ALDH3B2: variants seen among roughly 807,000 people sequenced by gnomAD.
ALDH3B2 encodes aldehyde dehydrogenase family 3 member B2.
A neutral mutation model predicts 36.7 loss-of-function variants in ALDH3B2; 45 were observed. That is an observed-to-expected ratio of 1.23 (90% confidence interval 0.97 to 1.57). ALDH3B2 has a LOEUF of 1.57. ALDH3B2 is among the 40% of genes most tolerant of loss of function. The pLI is 0.00. For synonymous variants in ALDH3B2, 217 were observed against 226.5 expected (o/e 0.96, Z 0.38); for missense variants, 464 against 513.3 (o/e 0.90, Z 0.93).
chr11:67,664,024 G>A (rs534429978), intron 8 of ALDH3B2, among the ~76,000 whole-genome samples: 109 of 152,314 alleles, frequency 7.2e-4, no homozygotes, highest in Non-Finnish European at 1.3e-3. Context: ...TCGCGACGGT[G>A]AGGTTAGGAT....
At chr11:67,665,698 C>G in intron 6 of ALDH3B2, 27 bp from the exon 7 acceptor site, 1 of 1,582,162 alleles carries the variant, frequency 6.3e-7, no homozygotes. Context: ...ACCAGAGTGG[C>G]CAGTCAGTGA....
chr11:67,665,194 G>C, intron 7 of ALDH3B2, 91 bp downstream of exon 7: 3 of 1,514,580 alleles, frequency 2.0e-6, no homozygotes, highest in Non-Finnish European at 2.7e-6. Context: ...CCGGGTTTCA[G>C]GTGCGAGTCC....
At chr11:67,666,251 C>A in intron 5 of ALDH3B2, 48 bp from the exon 6 acceptor site, 1 of 1,612,826 alleles carries the variant, frequency 6.2e-7, no homozygotes, top group East Asian at 2.2e-5. Flanking sequence ...GCCAGCCGGG[C>A]CTCCTCAGCC....
chr11:67,680,941 A>G (rs952405735), intron 1 of ALDH3B2, among the ~76,000 whole-genome samples: 6 of 152,154 alleles, frequency 3.9e-5, no homozygotes, highest in African/African-American at 1.4e-4. Flanking sequence ...TTGTAAGGGC[A>G]GGGTTTGAGG....
chr11:67,665,219 G>C lies in ALDH3B2; in HGVS notation c.706+66C>G, dbSNP rs1855862684. On this transcript the variant is annotated intron_variant, in intron 7 of 9. Transcript: ENST00000349015. ...GGTGCGAGTCCAGACTCGTGGCCCA[G>C]CCGTGGGCCCTCCATTGAGAAAGGG... 6 of 1,537,784 alleles carry C rather than the reference G, an allele frequency of 3.9e-6. No individual in the cohort carries two copies. The South Asian group carries it at 7.7e-5, about 20-fold the overall frequency.
exon 7 of ALDH3B2, chr11:67,665,450 G>A: frequency 6.2e-7 from 1 of 1,614,056 alleles, no homozygotes; most frequent in South Asian, 1.1e-5. Context: ...TGCAGGGCGG[G>A]CAGCAGCCTC....
chr11:67,674,052 C>T (rs904114247), intron 1 of ALDH3B2, among the ~76,000 whole-genome samples: 1 of 152,226 alleles, frequency 6.6e-6, no homozygotes, highest in African/African-American at 2.4e-5. Flanking sequence ...TCTCCGGCAC[C>T]TCCTGATCAC....
chr11:67,678,636 C>CATATATATATATATAT (rs34057662), upstream of ALDH3B2, among the ~76,000 whole-genome samples: 58 of 146,698 alleles, frequency 4.0e-4, no homozygotes, highest in African/African-American at 1.4e-3. Context: ...TACTATGGTA[C>CATATATATATATATAT]ATATATATAT....
chr11:67,673,237 C>T (rs890318940), intron 1 of ALDH3B2, among the ~76,000 whole-genome samples: 2 of 152,184 alleles, frequency 1.3e-5, no homozygotes, highest in Admixed American at 6.5e-5. Flanking sequence ...TTAACTGAGA[C>T]CCGTCTCAGA....
intron 1 of ALDH3B2, among the ~76,000 whole-genome samples, chr11:67,668,628 A>G (rs1043221284): frequency 3.5e-5 from 5 of 141,584 alleles, no homozygotes; most frequent in African/African-American, 1.4e-4. Context: ...TTGTGTGTCT[A>G]TGTGTGTGTG....
chr11:67,668,394 G>C (rs1855980286), intron 1 of ALDH3B2, among the ~76,000 whole-genome samples: 1 of 152,180 alleles, frequency 6.6e-6, no homozygotes, highest in South Asian at 2.1e-4. Context: ...GGTCTGGAGA[G>C]GAGGAAGGAT....
In ALDH3B2 at chr11:67,670,448, C is replaced by A. The variant is rs940255200; in HGVS notation, c.-244-2813G>T. Reference sequence around the variant, plus strand: ...CCGTGCCCAGGGCTGCTGCCTCAGACCCGCATTGCTGAGGGCAGTGGGGGT... The same window carrying A: ...CCGTGCCCAGGGCTGCTGCCTCAGAACCGCATTGCTGAGGGCAGTGGGGGT... On this transcript the variant is annotated intron_variant, in intron 1 of 9. Coordinates refer to ENST00000349015, the Ensembl canonical transcript of ALDH3B2. Among the ~76,000 whole-genome samples, 24 of 152,216 alleles carry A rather than the reference C, an allele frequency of 1.6e-4. 1 individual carries two copies. Among genetic ancestry groups the A allele is most frequent in the Admixed American group, 1.4e-3 (21 of 15,294 alleles).
At chr11:67,680,267 T>C (rs184800429) in intron 1 of ALDH3B2, among the ~76,000 whole-genome samples, 2 of 152,206 alleles carry the variant, frequency 1.3e-5, no homozygotes, top group African/African-American at 4.8e-5. Flanking sequence ...TAAGCCGAGA[T>C]TGCACTACCA....
rs867378007 is a variant in ALDH3B2, at chr11:67,663,649, G to T, written c.973+13C>A. On this transcript the variant is annotated intron_variant, in intron 9 of 9. Coordinates refer to ENST00000349015, the Ensembl canonical transcript of ALDH3B2. ...CCAAGCTTCCCTAGGGGTGGAAATG[G>T]GCAGGGACCCACCGACTCCCCCGAA... The T allele has an allele frequency of 1.9e-5, 31 of 1,605,090 alleles. No homozygotes were observed. The highest frequency in any genetic ancestry group is 1.7e-4 in the Middle Eastern group (1 of 6,046).
chr11:67,672,435 G>A (rs1217999592), intron 1 of ALDH3B2, among the ~76,000 whole-genome samples: 7 of 151,756 alleles, frequency 4.6e-5, no homozygotes, highest in African/African-American at 1.7e-4. Flanking sequence ...TTACAGGCGT[G>A]AGCCACCGTG....
chr11:67,680,086 T>G (rs1377323785), intron 1 of ALDH3B2, among the ~76,000 whole-genome samples: 2 of 151,950 alleles, frequency 1.3e-5, no homozygotes, highest in African/African-American at 4.8e-5. Context: ...GAGGCCGAGG[T>G]GGGTGGGTCA....
rs374259612 is a variant in ALDH3B2, at chr11:67,665,650, A to G, written c.341T>C (p.Ile114Thr). The G allele has an allele frequency of 5.0e-6, 8 of 1,611,458 alleles. No homozygotes were observed. The African/African-American group carries it at 9.4e-5, about 19-fold the overall frequency. Residue 114 changes from isoleucine (I) to threonine (T), a missense_variant, in exon 7 of 10, where the codon ATT (isoleucine) becomes ACT (threonine). Ile to Thr is a moderately conservative substitution (Grantham distance 89). Transcript: ENST00000349015. ...GTGCTTGGTGGCAGCAGTCATGACA[A>G]TCTTGCCCACACGAGGGCTCCCTGG... is the stretch of plus-strand genomic sequence containing the variant.
intron 8 of ALDH3B2, 84 bp from the exon 9 acceptor site, chr11:67,663,845 C>G: frequency 1.7e-6 from 2 of 1,172,104 alleles, no homozygotes; most frequent in Non-Finnish European, 2.4e-6. Flanking sequence ...CGGAGGTGAG[C>G]CTCATCCTCA....
rs569221208 is a variant in ALDH3B2 at position 67,662,972 on chromosome 11, T to C, written c.*243A>G. Reference sequence around the variant, plus strand: ...GGCAAAGGGCTGGAATTGGGGAGGGTGGGGTGAGTGAGGACACCTGGCATG... The same window carrying C: ...GGCAAAGGGCTGGAATTGGGGAGGGCGGGGTGAGTGAGGACACCTGGCATG... On this transcript the variant is annotated 3_prime_UTR_variant, in exon 10 of 10. Coordinates refer to ENST00000349015, the Ensembl canonical transcript of ALDH3B2. 2.6e-5 allele frequency: 13 copies of C among 508,572 alleles called. No homozygotes were observed. In the South Asian group the frequency reaches 3.5e-4, roughly 14 times the overall value. The allele number at this position is 508,572 out of a possible 1,614,324, so 31.5% of individuals were successfully genotyped here.
Sources: gnomAD v4.1 joint callset for allele counts (sites outside exome capture counted in the v4.1 genomes callset) on GRCh38, gnomAD v4.1.1 for gene constraint, MANE v1.5 for transcripts, NCBI Gene and HGNC (gene_info 2026-07-23, HGNC 2026-07-21) for gene names.